Variants in OCA2 observed in about 807,000 individuals in gnomAD.
OCA2 encodes OCA2 melanosomal transmembrane protein, also known as P protein.
OCA2 carries 77 observed loss-of-function variants against 100.2 expected under a neutral mutation model. The observed-to-expected ratio is 0.77, with a 90% CI of 0.64 to 0.93. The LOEUF (loss-of-function observed/expected upper bound fraction) is 0.93, where lower values mean the gene tolerates loss of function less well. OCA2 is among the 40% of genes least tolerant of loss of function. The pLI is 0.00. For synonymous variants in OCA2, 432 were observed against 439.2 expected, an observed-to-expected ratio of 0.98 and a Z score of 0.21; for missense variants, 1,062 against 1,089.1, an observed-to-expected ratio of 0.98 and a Z score of 0.35.
At position 28,032,048 on chromosome 15, in the gene OCA2, G is replaced by C. The variant is rs2042919658; in HGVS notation, c.326+17C>G. ...CTCAGAAACTCTTACTTTCATATGA[G>C]GGGGAAAATATCTCACCCTTTCTCC... On this transcript the variant is annotated intron_variant, in intron 3 of 23. Coordinates refer to ENST00000354638, the MANE Select transcript of OCA2 (RefSeq NM_000275.3). 6.3e-7 allele frequency: 1 copy of C among 1,584,538 alleles called. No individual in the cohort carries two copies. The highest frequency in any genetic ancestry group is 1.3e-5 in the African/African-American group (1 of 74,274).
At chr15:27,789,641 C>T (rs772785498) in intron 23 of OCA2, among the ~76,000 whole-genome samples, 1 of 152,312 alleles carries the variant, frequency 6.6e-6, no homozygotes, top group Non-Finnish European at 1.5e-5. Flanking sequence ...TCAAAGTCTA[C>T]TCTGGCTGTC....
In OCA2 at chr15:27,918,089, A is replaced by ATT. The variant is rs34943192; in HGVS notation, c.2079+8036_2079+8037dup. 6.1e-3 allele frequency among the ~76,000 whole-genome samples: 629 copies of ATT among 103,198 alleles called. 16 individuals are homozygous for ATT. Among genetic ancestry groups the ATT allele is most frequent in the African/African-American group, 0.017 (472 of 28,528 alleles). 67.7% of individuals were successfully genotyped at this position (103,198 alleles called of 152,430 possible). A position where few individuals can be genotyped will look rare whatever the true frequency, so the allele number is the denominator to read the frequency against. ...TAATAATAAGCTCAGCTCCCTCTTG[A>ATT]TTTTTTTTTTTTTTTTTTTTTTGAG... is the stretch of plus-strand genomic sequence containing the variant. On this transcript the variant is annotated intron_variant, in intron 19 of 23. Transcript: ENST00000354638.
downstream of OCA2, among the ~76,000 whole-genome samples, chr15:27,751,334 C>A (rs1422809536): frequency 6.6e-6 from 1 of 152,088 alleles, no homozygotes; most frequent in African/African-American, 2.4e-5. Context: ...ATTAGAATGA[C>A]CAAGTTTGTT....
At chr15:28,066,488 C>T (rs2044028215) in intron 2 of OCA2, among the ~76,000 whole-genome samples, 1 of 152,134 alleles carries the variant, frequency 6.6e-6, no homozygotes, top group South Asian at 2.1e-4. Context: ...TTAGCATTAA[C>T]ATTTAAAACA....
intron 9 of OCA2, among the ~76,000 whole-genome samples, chr15:28,010,929 C>T (rs76443734): frequency 0.013 from 2,047 of 152,232 alleles, 42 homozygotes; most frequent in African/African-American, 0.047. Context: ...TTCCCAGTGT[C>T]CAAACTTACA....
At chr15:28,038,019 T>C (rs1217494284) in intron 2 of OCA2, among the ~76,000 whole-genome samples, 1 of 152,212 alleles carries the variant, frequency 6.6e-6, no homozygotes, top group Non-Finnish European at 1.5e-5. Context: ...TCTTTCTCTT[T>C]CTCTATCCCT....
rs145781785 is a variant in OCA2 at position 27,854,829 on chromosome 15, C to T, written c.2245-3354G>A. Among the ~76,000 whole-genome samples, 460 of 152,228 alleles carry T rather than the reference C, an allele frequency of 3.0e-3. 3 individuals are homozygous for T. Among genetic ancestry groups the T allele is most frequent in the African/African-American group, 0.01 (431 of 41,550 alleles). On this transcript the variant is annotated intron_variant, in intron 21 of 23. Coordinates refer to ENST00000354638, the MANE Select transcript of OCA2 (RefSeq NM_000275.3). Reference sequence around the variant, plus strand: ...AAGCCAGCCTCCACCCTACAGAACACGGCACGCCACCCGGAACAAGGAGAC... The same window carrying T: ...AAGCCAGCCTCCACCCTACAGAACATGGCACGCCACCCGGAACAAGGAGAC...
At chr15:27,908,296 T>C (rs1484297525) in intron 19 of OCA2, among the ~76,000 whole-genome samples, 1 of 152,132 alleles carries the variant, frequency 6.6e-6, no homozygotes, top group Non-Finnish European at 1.5e-5. Flanking sequence ...TCTCCATAAA[T>C]ACTAGGGGGA....
intron 6 of OCA2, among the ~76,000 whole-genome samples, chr15:28,022,273 C>G (rs2141294822): frequency 6.6e-6 from 1 of 152,294 alleles, no homozygotes; most frequent in South Asian, 2.1e-4. Context: ...TGCTGTCCCC[C>G]TTCCTCACTC....
chr15:27,897,189 CA>C (rs34697199), intron 19 of OCA2, among the ~76,000 whole-genome samples: 57,246 of 131,120 alleles, frequency 0.44, 12,317 homozygotes, highest in South Asian at 0.65. Context: ...GACTCCGTCT[CA>C]AAAAAAAAAA....
chr15:27,912,972 C>CA (rs1283165168), intron 19 of OCA2, among the ~76,000 whole-genome samples: 84 of 152,116 alleles, frequency 5.5e-4, no homozygotes, highest in Non-Finnish European at 4.4e-5. Context: ...TTCATAGCCT[C>CA]AAAACTGTCA....
intron 19 of OCA2, among the ~76,000 whole-genome samples, chr15:27,923,632 T>G (rs1314128700): frequency 6.6e-6 from 1 of 152,274 alleles, no homozygotes; most frequent in Non-Finnish European, 1.5e-5. Flanking sequence ...GCTTTTATCA[T>G]ACACTTATTG....
intron 23 of OCA2, among the ~76,000 whole-genome samples, chr15:27,799,288 G>T (rs144718620): frequency 1.3e-5 from 2 of 152,282 alleles, no homozygotes; most frequent in African/African-American, 4.8e-5. Context: ...CAGTGAACAC[G>T]TAGAGGTCTC....
chr15:27,787,630 T>G (rs2032879501), intron 23 of OCA2, among the ~76,000 whole-genome samples: 1 of 151,990 alleles, frequency 6.6e-6, no homozygotes, highest in South Asian at 2.1e-4. Context: ...TAGGGTCTTC[T>G]TTTTCCTTTA....
intron 19 of OCA2, among the ~76,000 whole-genome samples, chr15:27,907,026 C>T (rs973616879): frequency 5.9e-5 from 9 of 152,158 alleles, no homozygotes; most frequent in African/African-American, 2.2e-4. Flanking sequence ...ACAAAGATGG[C>T]ACCATGCCAT....
intron 1 of OCA2, among the ~76,000 whole-genome samples, chr15:28,082,335 T>C (rs116404077): frequency 6.6e-6 from 1 of 152,182 alleles, no homozygotes; most frequent in Non-Finnish European, 1.5e-5. Flanking sequence ...ATACTTTCGA[T>C]GTTTTGGTTT....
At chr15:27,941,960 C>T (rs1385302937) in intron 18 of OCA2, among the ~76,000 whole-genome samples, 1 of 152,120 alleles carries the variant, frequency 6.6e-6, no homozygotes, top group Non-Finnish European at 1.5e-5. Flanking sequence ...TAATGAAGTA[C>T]CACTTCACGC....
intron 2 of OCA2, among the ~76,000 whole-genome samples, chr15:28,066,348 T>A (rs1158322914): frequency 6.6e-6 from 1 of 151,980 alleles, no homozygotes; most frequent in Non-Finnish European, 1.5e-5. Context: ...CTAATGGGAA[T>A]CCTCCCCTTG....
intron 18 of OCA2, among the ~76,000 whole-genome samples, chr15:27,950,753 A>G (rs184188826): frequency 2.0e-5 from 3 of 152,240 alleles, no homozygotes; most frequent in East Asian, 3.9e-4. Flanking sequence ...GTTTCCAGGA[A>G]CCCCGGAAGC....
Sources: gnomAD v4.1 joint callset for allele counts (sites outside exome capture counted in the v4.1 genomes callset) on GRCh38, gnomAD v4.1.1 for gene constraint, MANE v1.5 for transcripts, NCBI Gene and HGNC (gene_info 2026-07-23, HGNC 2026-07-21) for gene names.